The following LRP5 variants were observed in gnomAD, a reference collection of about 807,000 sequenced individuals.
LRP5 encodes LDL receptor related protein 5.
Under a neutral mutation model 154.1 loss-of-function variants are expected in LRP5, and 62 were observed. That is an observed-to-expected ratio of 0.40 (90% CI 0.33 to 0.50). The LOEUF (loss-of-function observed/expected upper bound fraction) is 0.50, where lower values mean the gene tolerates loss of function less well. Among genes scored for constraint, LRP5 ranks in the 20% least tolerant of loss-of-function variants. LRP5 has a pLI of 0.55. For synonymous variants in LRP5, 966 were observed against 1,011.5 expected (o/e 0.96, Z 0.85); for missense variants, 1,915 against 2,336.7 (o/e 0.82, Z 3.72).
At chr11:68,361,890 T>G (rs893786531) in intron 3 of LRP5, among the ~76,000 whole-genome samples, 2 of 152,186 alleles carry the variant, frequency 1.3e-5, no homozygotes, top group Non-Finnish European at 2.9e-5. Context: ...AAACATTGAT[T>G]TACGTATGAC....
chr11:68,421,006 C>T (rs1430927065), intron 13 of LRP5, among the ~76,000 whole-genome samples: 2 of 152,200 alleles, frequency 1.3e-5, no homozygotes, highest in African/African-American at 2.4e-5. Flanking sequence ...GCGGGCGGAT[C>T]ATGAGGTCAG....
intron 2 of LRP5, among the ~76,000 whole-genome samples, chr11:68,356,776 T>C (rs977890413): frequency 6.6e-6 from 1 of 152,178 alleles, no homozygotes; most frequent in Non-Finnish European, 1.5e-5. Flanking sequence ...ATCCCTCTCC[T>C]CTCCAACTCC....
chr11:68,417,986 C>T (rs894839706), intron 13 of LRP5, among the ~76,000 whole-genome samples: 4 of 152,204 alleles, frequency 2.6e-5, no homozygotes, highest in East Asian at 1.9e-4. Context: ...GAGCACTTTG[C>T]GGAGTCAGGC....
intron 6 of LRP5, among the ~76,000 whole-genome samples, chr11:68,387,323 C>T (rs61132569): frequency 0.048 from 7,317 of 152,222 alleles, 587 homozygotes; most frequent in African/African-American, 0.16. Context: ...CCGTCTTGGC[C>T]AGGCTGGTCG....
At chr11:68,345,538 C>T (rs2098612190) in intron 1 of LRP5, among the ~76,000 whole-genome samples, 1 of 152,218 alleles carries the variant, frequency 6.6e-6, no homozygotes, top group Admixed American at 6.5e-5. Context: ...CCACCCGCCT[C>T]AGCCTCCCAA....
At chr11:68,335,883 TG>T (rs1321115462) in intron 1 of LRP5, among the ~76,000 whole-genome samples, 2 of 152,174 alleles carry the variant, frequency 1.3e-5, no homozygotes, top group Non-Finnish European at 2.9e-5. Flanking sequence ...TTGGAACGTG[TG>T]ATGGTGACTC....
intron 1 of LRP5, among the ~76,000 whole-genome samples, chr11:68,320,812 T>G (rs895778982): frequency 2.0e-5 from 3 of 152,184 alleles, no homozygotes; most frequent in Non-Finnish European, 2.9e-5. Flanking sequence ...GGTATGGACT[T>G]TAATTCTTTG....
At chr11:68,352,075 A>G (rs766372059) in intron 2 of LRP5, among the ~76,000 whole-genome samples, 1 of 152,080 alleles carries the variant, frequency 6.6e-6, no homozygotes, top group Non-Finnish European at 1.5e-5. Flanking sequence ...GCTGGAAGGC[A>G]TCCCCTGGTG....
intron 1 of LRP5, among the ~76,000 whole-genome samples, chr11:68,340,846 C>A (rs1028399208): frequency 2.0e-5 from 3 of 152,122 alleles, no homozygotes; most frequent in African/African-American, 7.2e-5. Context: ...ATGAGGCCAC[C>A]TTTACTTTTT....
the LRP5 span, among the ~76,000 whole-genome samples, chr11:68,307,490 C>T: frequency 6.6e-6 from 1 of 152,120 alleles, no homozygotes; most frequent in South Asian, 2.1e-4. Context: ...TATAGTGAAA[C>T]CCCATCCTTC....
At chr11:68,323,759 T>G (rs888404225) in intron 1 of LRP5, among the ~76,000 whole-genome samples, 1 of 152,138 alleles carries the variant, frequency 6.6e-6, no homozygotes, top group Non-Finnish European at 1.5e-5. Context: ...AGTAGGTGAC[T>G]GAGTGATATT....
chr11:68,374,398 T>A (rs2098636195), intron 5 of LRP5, among the ~76,000 whole-genome samples: 1 of 152,206 alleles, frequency 6.6e-6, no homozygotes, highest in South Asian at 2.1e-4. Flanking sequence ...GTGATTGGCG[T>A]TGACTTTGCA....
In LRP5 at chr11:68,406,815, T is replaced by C; in HGVS notation, c.2091+2T>C. On this transcript the variant is annotated splice_donor_variant, in intron 9 of 22. Coordinates refer to ENST00000294304, the MANE Select transcript of LRP5 (RefSeq NM_002335.4). LOFTEE classifies it high-confidence loss of function. ...TACTGGACAGACGTCAGCCTGAAGG[T>C]AGCGTGGGCCAGAACGTGCACACAG... is the stretch of plus-strand genomic sequence containing the variant. 6.2e-7 allele frequency: 1 copy of C among 1,613,690 alleles called. No homozygotes were observed. Among genetic ancestry groups the C allele is most frequent in the Non-Finnish European group, 8.5e-7 (1 of 1,179,894 alleles).
At chr11:68,361,783 C>T (rs958839896) in intron 3 of LRP5, among the ~76,000 whole-genome samples, 1 of 152,184 alleles carries the variant, frequency 6.6e-6, no homozygotes, top group Non-Finnish European at 1.5e-5. Flanking sequence ...GATCACACCA[C>T]CGCACTCCAG....
intron 1 of LRP5, among the ~76,000 whole-genome samples, chr11:68,325,715 T>G (rs1325104123): frequency 6.6e-6 from 1 of 152,194 alleles, no homozygotes; most frequent in Non-Finnish European, 1.5e-5. Flanking sequence ...CAGGCCCCCC[T>G]CACCCGTTCC....
chr11:68,385,594 C>A (rs1402400935), intron 5 of LRP5, among the ~76,000 whole-genome samples: 4 of 152,016 alleles, frequency 2.6e-5, no homozygotes, highest in Non-Finnish European at 5.9e-5. Context: ...ACCTGTGTTG[C>A]CTGGTGTGTC....
intron 5 of LRP5, among the ~76,000 whole-genome samples, chr11:68,385,180 T>C (rs1264530882): frequency 2.0e-5 from 3 of 152,340 alleles, no homozygotes; most frequent in Non-Finnish European, 2.9e-5. Flanking sequence ...TGTCCCCAGC[T>C]GTGTCCAGCC....
rs532490334 is a variant in LRP5 at position 68,366,439 on chromosome 11, C to T, written c.1015+737C>T. ...CGGTGGATGGAGAAGTGTCCTTGCT[C>T]TCACTGCTGTCTGAGCACATGGGGG... is the stretch of plus-strand genomic sequence containing the variant. On this transcript the variant is annotated intron_variant, in intron 5 of 22. Coordinates refer to ENST00000294304, the MANE Select transcript of LRP5 (RefSeq NM_002335.4). Among the ~76,000 whole-genome samples the T allele has an allele frequency of 2.0e-5, 3 of 152,240 alleles. No homozygotes were observed. In the South Asian group the frequency reaches 6.2e-4, roughly 32 times the overall value.
intron 12 of LRP5, 142 bp downstream of exon 12, chr11:68,414,154 T>C: frequency 1.2e-6 from 1 of 801,932 alleles, no homozygotes; most frequent in Non-Finnish European, 2.1e-6. Context: ...ACAAGCTGCA[T>C]GATGCTACCT....
Sources: gnomAD v4.1 joint callset for allele counts (sites outside exome capture counted in the v4.1 genomes callset) on GRCh38, gnomAD v4.1.1 for gene constraint, MANE v1.5 for transcripts, NCBI Gene and HGNC (gene_info 2026-07-23, HGNC 2026-07-21) for gene names.